Variants in NEK7 observed in about 807,000 individuals in gnomAD.
NEK7 encodes the protein serine/threonine-protein kinase Nek7.
A neutral mutation model predicts 44.6 loss-of-function variants in NEK7; 18 were observed. That is an observed-to-expected ratio of 0.40 (90% CI 0.28 to 0.60). The LOEUF (loss-of-function observed/expected upper bound fraction) is 0.60, where lower values mean the gene tolerates loss of function less well. Among genes scored for constraint, NEK7 ranks in the 20% least tolerant of loss-of-function variants. The probability of loss-of-function intolerance (pLI) is 0.38; values close to 1 mark genes in which losing one functional copy is unlikely to be tolerated. For missense variants in NEK7, 256 were observed against 366.5 expected, an observed-to-expected ratio of 0.70 and a Z score of 2.46; for synonymous variants, 130 against 121.1, an observed-to-expected ratio of 1.07 and a Z score of -0.48.
intron 7 of NEK7, among the ~76,000 whole-genome samples, chr1:198,286,390 C>G (rs942910626): frequency 1.3e-5 from 2 of 151,584 alleles, no homozygotes; most frequent in African/African-American, 4.8e-5. Context: ...AACACCATCC[C>G]AAAATGATCC....
rs1338665572 is a variant in NEK7 at position 198,321,950 on chromosome 1, A to G, written c.*2428A>G. The G allele has an allele frequency of 6.6e-6, 1 of 152,178 alleles. No homozygotes were observed. The highest frequency in any genetic ancestry group is 1.5e-5 in the Non-Finnish European group (1 of 67,988). The allele number at this position is 152,178 out of a possible 1,614,324, so 9.4% of individuals were successfully genotyped here. ...TGGTACCAGTTACCCAGGTGAAAAT[A>G]TGGAGTAACTTTGTTTTGTATGGTA... On this transcript the variant is annotated 3_prime_UTR_variant, in exon 10 of 10. Coordinates refer to ENST00000367385, the MANE Select transcript of NEK7 (RefSeq NM_133494.3).
At chr1:198,241,243 G>A (rs1195587379) in intron 2 of NEK7, among the ~76,000 whole-genome samples, 1 of 152,160 alleles carries the variant, frequency 6.6e-6, no homozygotes, top group Non-Finnish European at 1.5e-5. Context: ...TTACGATCTT[G>A]TCATATGATT....
intron 3 of NEK7, among the ~76,000 whole-genome samples, chr1:198,255,415 G>T (rs1034716395): frequency 1.1e-4 from 17 of 152,118 alleles, no homozygotes; most frequent in Non-Finnish European, 2.1e-4. Flanking sequence ...GATTCTGAGT[G>T]TGGAAAACAG....
At chr1:198,160,489 T>C (rs1163114851) in intron 1 of NEK7, among the ~76,000 whole-genome samples, 1 of 152,180 alleles carries the variant, frequency 6.6e-6, no homozygotes, top group African/African-American at 2.4e-5. Context: ...ACTACGAGGG[T>C]AGGTATTTCA....
At chr1:198,251,887 T>C (rs1653011135) in intron 2 of NEK7, among the ~76,000 whole-genome samples, 1 of 152,218 alleles carries the variant, frequency 6.6e-6, no homozygotes, top group African/African-American at 2.4e-5. Context: ...AGTTCTGCTC[T>C]GATTTTAGTT....
intron 1 of NEK7, among the ~76,000 whole-genome samples, chr1:198,208,148 T>C (rs891007826): frequency 6.6e-6 from 1 of 152,254 alleles, no homozygotes; most frequent in African/African-American, 2.4e-5. Flanking sequence ...ATTTTGATTC[T>C]GCCTATTCTC....
chr1:198,247,246 T>G (rs1483442922), intron 2 of NEK7, among the ~76,000 whole-genome samples: 1 of 152,230 alleles, frequency 6.6e-6, no homozygotes, highest in Non-Finnish European at 1.5e-5. Flanking sequence ...TTTAAACATG[T>G]TTCTATTCCA....
chr1:198,259,138 TTAAAAA>T (rs1653371846), intron 3 of NEK7, among the ~76,000 whole-genome samples: 1 of 152,202 alleles, frequency 6.6e-6, no homozygotes, highest in Non-Finnish European at 1.5e-5. Context: ...GAAAATTCAG[TTAAAAA>T]TAAAAGTCAA....
At chr1:198,228,747 A>C (rs1169934642) in intron 1 of NEK7, among the ~76,000 whole-genome samples, 1 of 152,306 alleles carries the variant, frequency 6.6e-6, no homozygotes, top group African/African-American at 2.4e-5. Flanking sequence ...GAAGTTGCCT[A>C]TCAGCTTAAG....
At chr1:198,316,569 ATC>A (rs1310064316) in intron 9 of NEK7, among the ~76,000 whole-genome samples, 2 of 152,214 alleles carry the variant, frequency 1.3e-5, no homozygotes, top group African/African-American at 4.8e-5. Context: ...TCTCACAGAT[ATC>A]TCTTGAGATA....
chr1:198,298,549 A>G (rs1240318915), intron 9 of NEK7, among the ~76,000 whole-genome samples: 2 of 152,198 alleles, frequency 1.3e-5, no homozygotes, highest in Admixed American at 1.3e-4. Context: ...GCCATTTTTA[A>G]TTACTATTTT....
chr1:198,165,776 G>A (rs1664246348), intron 1 of NEK7, among the ~76,000 whole-genome samples: 1 of 152,174 alleles, frequency 6.6e-6, no homozygotes, highest in Admixed American at 6.5e-5. Context: ...TTTGAAGCCA[G>A]GCATTGACCT....
chr1:198,158,656 C>T (rs1663993726), intron 1 of NEK7, among the ~76,000 whole-genome samples: 2 of 152,182 alleles, frequency 1.3e-5, no homozygotes, highest in African/African-American at 4.8e-5. Flanking sequence ...ACAGTTAACC[C>T]TCTAATGCTT....
chr1:198,290,125 T>G (rs1383982031), intron 7 of NEK7, among the ~76,000 whole-genome samples: 1 of 152,220 alleles, frequency 6.6e-6, no homozygotes. Context: ...TATCTGCTAT[T>G]GCAAAATGTA....
chr1:198,246,193 A>G (rs1571567840), intron 2 of NEK7, among the ~76,000 whole-genome samples: 1 of 152,330 alleles, frequency 6.6e-6, no homozygotes, highest in South Asian at 2.1e-4. Flanking sequence ...CTCCTAAAGG[A>G]GACCTCCTCT....
intron 1 of NEK7, among the ~76,000 whole-genome samples, chr1:198,227,456 A>C (rs1666259216): frequency 1.3e-5 from 2 of 152,160 alleles, no homozygotes; most frequent in East Asian, 3.9e-4. Context: ...TGACTTCCAC[A>C]ATGGTTGAAC....
intron 4 of NEK7, 88 bp downstream of exon 4, chr1:198,262,725 T>TTA: frequency 1.4e-6 from 1 of 702,918 alleles, no homozygotes; most frequent in Admixed American, 2.5e-5. Flanking sequence ...AAAAAGGTTT[T>TTA]TAAGACTTAT....
intron 9 of NEK7, among the ~76,000 whole-genome samples, chr1:198,318,749 T>G (rs1216147158): frequency 1.3e-5 from 2 of 152,070 alleles, no homozygotes; most frequent in Non-Finnish European, 2.9e-5. Flanking sequence ...GTTTCTTAAT[T>G]TATTGAAATC....
chr1:198,224,198 T>C (rs1014473165), intron 1 of NEK7, among the ~76,000 whole-genome samples: 1 of 152,174 alleles, frequency 6.6e-6, no homozygotes, highest in African/African-American at 2.4e-5. Context: ...TTTCTTAAGA[T>C]TATAATGAAG....
Sources: allele counts gnomAD v4.1 joint callset (sites outside exome capture counted in the v4.1 genomes callset), GRCh38; gene constraint gnomAD v4.1.1; transcripts MANE v1.5; gene names NCBI Gene and HGNC (gene_info 2026-07-23, HGNC 2026-07-21).